The following FARP2 variants were observed in gnomAD, a reference collection of about 807,000 sequenced individuals.
FARP2 encodes the protein FERM, ARH/RhoGEF and pleckstrin domain protein 2, also known as FERM, ARHGEF and pleckstrin domain-containing protein 2.
A neutral mutation model predicts 130.5 loss-of-function variants in FARP2; 111 were observed. The observed-to-expected ratio is 0.85, with a 90% confidence interval of 0.73 to 1.00. The LOEUF (loss-of-function observed/expected upper bound fraction) is 1.00. Among genes scored for constraint, FARP2 ranks in the 50% least tolerant of loss-of-function variants. The pLI is 0.00. For synonymous variants in FARP2, 504 were observed against 516.9 expected, an observed-to-expected ratio of 0.98 and a Z score of 0.34; for missense variants, 1,385 against 1,346.3, an observed-to-expected ratio of 1.03 and a Z score of -0.45.
chr2:241,425,625 C>T lies in FARP2; in HGVS notation c.772-6054C>T, dbSNP rs541455136. On this transcript the variant is annotated intron_variant, in intron 8 of 26. Transcript: ENST00000264042. ...TGTTGTGAAATTGAGGCAATAATAT[C>T]CTACCAAGTAAAAAAAAAAAAAAAA... Among the ~76,000 whole-genome samples, 79 of 127,152 alleles carry T rather than the reference C, an allele frequency of 6.2e-4. No individual in the cohort carries two copies. The Middle Eastern group carries it at 0.013, about 22-fold the overall frequency. 83.4% of individuals were successfully genotyped at this position (127,152 alleles called of 152,430 possible). A position where few individuals can be genotyped will look rare whatever the true frequency, so the allele number is the denominator to read the frequency against.
intron 18 of FARP2, among the ~76,000 whole-genome samples, chr2:241,474,834 A>AATAAATAC (rs2064415319): frequency 6.9e-6 from 1 of 144,478 alleles, no homozygotes; most frequent in Non-Finnish European, 1.5e-5. Flanking sequence ...TAAATAAATA[A>AATAAATAC]ATAAAAAGAA....
At chr2:241,382,490 C>T (rs750090841) in intron 2 of FARP2, among the ~76,000 whole-genome samples, 1 of 151,920 alleles carries the variant, frequency 6.6e-6, no homozygotes, top group African/African-American at 2.4e-5. Flanking sequence ...CCCATGTTGC[C>T]TAGGCTAGTC....
intron 1 of FARP2, among the ~76,000 whole-genome samples, chr2:241,366,272 G>A (rs1179259402): frequency 6.6e-6 from 1 of 151,312 alleles, no homozygotes; most frequent in Admixed American, 6.6e-5. Flanking sequence ...AGATTTTGAT[G>A]TTAAATTGGA....
intron 8 of FARP2, 70 bp downstream of exon 8, chr2:241,418,179 T>C: frequency 6.5e-7 from 1 of 1,542,842 alleles, no homozygotes; most frequent in Non-Finnish European, 8.9e-7. Flanking sequence ...TGGGGTTTGT[T>C]CTTATAGATG....
chr2:241,370,222 C>T (rs1437963038), intron 1 of FARP2, among the ~76,000 whole-genome samples: 1 of 151,986 alleles, frequency 6.6e-6, no homozygotes, highest in Non-Finnish European at 1.5e-5. Flanking sequence ...TGTTTGAGGT[C>T]GAGGATATCC....
intron 18 of FARP2, among the ~76,000 whole-genome samples, chr2:241,472,200 A>G (rs375545836): frequency 0.056 from 3,369 of 60,260 alleles, no homozygotes; most frequent in Admixed American, 0.17. Flanking sequence ...ATGCTGTTCC[A>G]TGGGAACCCT....
intron 10 of FARP2, 70 bp downstream of exon 10, chr2:241,434,391 A>T (rs2063167537): frequency 8.7e-7 from 1 of 1,152,218 alleles, no homozygotes; most frequent in African/African-American, 1.6e-5. Context: ...GGTAATTCCT[A>T]GTCAAGAAAG....
Position 241,468,375 on chromosome 2 carries a change from A to T in FARP2, c.2129A>T (p.His710Leu), listed in dbSNP as rs754367363. Reference sequence around the variant, plus strand: ...GGGCACCATGACTACGCTGACTGCCATGGTGAGTGTGGGTGCGGCCCTGCA... The same window carrying T: ...GGGCACCATGACTACGCTGACTGCCTTGGTGAGTGTGGGTGCGGCCCTGCA... ...SPGHHDYADCHDALKAITEVT... is the reference protein window; with the variant it reads ...SPGHHDYADCLDALKAITEVT... The change falls in exon 18 of 27, where the codon CAT (histidine) becomes CTT (leucine). Residue 710 changes from histidine (H) to leucine (L), a missense_variant and splice_region_variant. Transcript: ENST00000264042. The T allele has an allele frequency of 2.5e-6, 4 of 1,609,266 alleles. No individual in the cohort carries two copies. The East Asian group carries it at 6.7e-5, about 27-fold the overall frequency.
intron 13 of FARP2, among the ~76,000 whole-genome samples, chr2:241,453,455 T>A (rs1301981095): frequency 1.3e-5 from 2 of 151,014 alleles, no homozygotes; most frequent in African/African-American, 2.4e-5. Context: ...ACCCCGTCTC[T>A]ACTAAAAATA....
chr2:241,472,222 A>G (rs1421934108), intron 18 of FARP2, among the ~76,000 whole-genome samples: 2 of 147,916 alleles, frequency 1.4e-5, no homozygotes, highest in Admixed American at 6.7e-5. Context: ...TTCTGAGGGG[A>G]CCATGTTCTG....
chr2:241,449,184 G>A (rs2063585296), intron 13 of FARP2, among the ~76,000 whole-genome samples: 1 of 152,140 alleles, frequency 6.6e-6, no homozygotes, highest in African/African-American at 2.4e-5. Context: ...ATTTGGCCGG[G>A]CGCGGTGGCT....
chr2:241,487,529 G>A (rs569982304), intron 21 of FARP2, among the ~76,000 whole-genome samples: 64 of 128,872 alleles, frequency 5.0e-4, no homozygotes, highest in Admixed American at 3.7e-3. Context: ...TTAGCCAGGC[G>A]TGGTGGTGGG....
At position 241,442,988 on chromosome 2, in the gene FARP2, G is replaced by A. The variant is rs976553413; in HGVS notation, c.1411+1432G>A. The A allele has an allele frequency of 3.1e-5, 6 of 195,924 alleles. 1 individual carries two copies. The highest frequency in any genetic ancestry group is 2.3e-3 in the Middle Eastern group (1 of 440). The allele number at this position is 195,924 out of a possible 1,614,324, so 12.1% of individuals were successfully genotyped here. ...TTTGTCTCACTTGTCCAGCCACTGC[G>A]CTACACAAAACCTTGAGTATGCCTC... On this transcript the variant is annotated intron_variant, in intron 13 of 26. Coordinates refer to ENST00000264042, the MANE Select transcript of FARP2 (RefSeq NM_014808.4).
chr2:241,379,551 G>A (rs1463512072), intron 2 of FARP2, among the ~76,000 whole-genome samples: 1 of 152,186 alleles, frequency 6.6e-6, no homozygotes, highest in African/African-American at 2.4e-5. Context: ...CAAGTAGGAA[G>A]ACAAATTCTC....
chr2:241,461,452 A>G (rs918147196), intron 14 of FARP2, among the ~76,000 whole-genome samples: 5 of 152,230 alleles, frequency 3.3e-5, no homozygotes, highest in African/African-American at 1.2e-4. Flanking sequence ...TAGCCTGTCT[A>G]TTCCCTCTGA....
At chr2:241,453,408 G>A (rs1321002263) in intron 13 of FARP2, among the ~76,000 whole-genome samples, 1 of 151,978 alleles carries the variant, frequency 6.6e-6, no homozygotes, top group African/African-American at 2.4e-5. Context: ...AGATCACAAG[G>A]TCAGGAGATC....
At chr2:241,372,192 CCTT>C (rs1206729221) in intron 1 of FARP2, among the ~76,000 whole-genome samples, 1 of 151,966 alleles carries the variant, frequency 6.6e-6, no homozygotes. Flanking sequence ...AGGTGTTTGA[CCTT>C]CTTGGGCCCT....
chr2:241,456,409 T>C (rs908505273), intron 13 of FARP2: 2 of 199,518 alleles, frequency 1.0e-5, no homozygotes, highest in African/African-American at 4.7e-5. Context: ...ACACACTTTG[T>C]GGTGCTTAGT....
intron 5 of FARP2, among the ~76,000 whole-genome samples, chr2:241,408,216 C>G (rs1438382266): frequency 6.6e-6 from 1 of 151,958 alleles, no homozygotes; most frequent in Non-Finnish European, 1.5e-5. Context: ...ACTAAAAATA[C>G]AAAAAATAAG....
Sources: gnomAD v4.1 joint callset for allele counts (sites outside exome capture counted in the v4.1 genomes callset) on GRCh38, gnomAD v4.1.1 for gene constraint, MANE v1.5 for transcripts, NCBI Gene and HGNC (gene_info 2026-07-23, HGNC 2026-07-21) for gene names.